SPIRE1: variants seen among roughly 807,000 people sequenced by gnomAD.
SPIRE1 encodes the protein protein spire homolog 1.
A neutral mutation model predicts 94.1 loss-of-function variants in SPIRE1; 40 were observed. That is an observed-to-expected ratio of 0.43 (90% CI 0.33 to 0.55). SPIRE1 has a LOEUF of 0.55. SPIRE1 is among the 20% of genes least tolerant of loss of function. SPIRE1 has a pLI of 0.06. For synonymous variants in SPIRE1, 376 were observed against 371.7 expected, an observed-to-expected ratio of 1.01 and a Z score of -0.13; for missense variants, 838 against 975.2, an observed-to-expected ratio of 0.86 and a Z score of 1.87.
chr18:12,603,574 ATT>A (rs71174104), intron 2 of SPIRE1, among the ~76,000 whole-genome samples: 14,667 of 138,298 alleles, frequency 0.11, 809 homozygotes, highest in African/African-American at 0.12. Context: ...CCAGTAGCCA[ATT>A]TTTTTTTTTT....
At chr18:12,602,841 T>G (rs1308208270) in intron 2 of SPIRE1, among the ~76,000 whole-genome samples, 2 of 152,206 alleles carry the variant, frequency 1.3e-5, no homozygotes, top group African/African-American at 4.8e-5. Flanking sequence ...AATATCGCTG[T>G]AGGATGAATA....
At chr18:12,632,963 T>A (rs1178104763) in intron 2 of SPIRE1, among the ~76,000 whole-genome samples, 1 of 152,242 alleles carries the variant, frequency 6.6e-6, no homozygotes, top group Non-Finnish European at 1.5e-5. Flanking sequence ...TATATTTGTA[T>A]CATCTTAATT....
chr18:12,570,716 C>A (rs2035940998), intron 2 of SPIRE1, among the ~76,000 whole-genome samples: 1 of 152,166 alleles, frequency 6.6e-6, no homozygotes, highest in African/African-American at 2.4e-5. Context: ...ATTCTACTCT[C>A]CCACAGAGCC....
At chr18:12,564,700 G>A (rs866840131) in intron 2 of SPIRE1, among the ~76,000 whole-genome samples, 2 of 152,086 alleles carry the variant, frequency 1.3e-5, no homozygotes, top group Non-Finnish European at 2.9e-5. Flanking sequence ...GGGAACCAGC[G>A]CCAGGGTGGG....
intron 2 of SPIRE1, among the ~76,000 whole-genome samples, chr18:12,604,981 A>G (rs979668902): frequency 1.3e-5 from 2 of 151,898 alleles, no homozygotes; most frequent in African/African-American, 4.9e-5. Flanking sequence ...ATGCTAAACG[A>G]AATAAGCAGT....
Position 12,615,898 on chromosome 18 carries a change from C to T in SPIRE1, c.372+19164G>A, listed in dbSNP as rs189466055. ...AGTTACGGATGATTTAAATACTATT[C>T]CTTCTCATAAGAATCTCCTTAGCAA... On this transcript the variant is annotated intron_variant, in intron 2 of 16. Coordinates refer to ENST00000409402, the MANE Select transcript of SPIRE1 (RefSeq NM_001128626.2). Among the ~76,000 whole-genome samples the T allele has an allele frequency of 1.6e-3, 247 of 152,300 alleles. 1 individual carries two copies. The highest frequency in any genetic ancestry group is 2.8e-3 in the Non-Finnish European group (192 of 68,020).
At chr18:12,484,236 A>G (rs2032951681) in intron 9 of SPIRE1, among the ~76,000 whole-genome samples, 1 of 152,236 alleles carries the variant, frequency 6.6e-6, no homozygotes. Flanking sequence ...TTTTGTAGAT[A>G]TTCAAAAAAG....
At position 12,452,245 on chromosome 18, in the gene SPIRE1, C is replaced by A. The variant is rs528886390; in HGVS notation, c.2012+10G>T. Reference sequence around the variant, plus strand: ...AAAGGATGGTTTGACAACCCAGGCCCCTTGCTCACCTGGCAATGCTCCGAA... The same window carrying A: ...AAAGGATGGTTTGACAACCCAGGCCACTTGCTCACCTGGCAATGCTCCGAA... On this transcript the variant is annotated intron_variant, in intron 16 of 16. Transcript: ENST00000409402. 6.2e-7 allele frequency: 1 copy of A among 1,613,374 alleles called. No individual in the cohort carries two copies. The highest frequency in any genetic ancestry group is 1.3e-5 in the African/African-American group (1 of 74,958).
intron 2 of SPIRE1, among the ~76,000 whole-genome samples, chr18:12,558,968 A>G (rs572370048): frequency 6.6e-6 from 1 of 152,192 alleles, no homozygotes; most frequent in Non-Finnish European, 1.5e-5. Context: ...CTCTAGCTAG[A>G]CATAAAAGTT....
intron 4 of SPIRE1, among the ~76,000 whole-genome samples, chr18:12,517,068 A>G (rs2034218986): frequency 6.6e-6 from 1 of 152,242 alleles, no homozygotes; most frequent in African/African-American, 2.4e-5. Flanking sequence ...AAATTGCTGT[A>G]ATCCTGTTTG....
At position 12,549,436 on chromosome 18, in the gene SPIRE1, G is replaced by GTTTTTTTTTTTTTT. The variant is rs1345452411; in HGVS notation, c.373-2533_373-2532insAAAAAAAAAAAAAA. ...TTGCTTTTTGTTTGTTTTTGTTATT[G>GTTTTTTTTTTTTTT]TTGTTTTTTTTTTTTTTTTTTTTTT... On this transcript the variant is annotated intron_variant, in intron 2 of 16. Coordinates refer to ENST00000409402, the MANE Select transcript of SPIRE1 (RefSeq NM_001128626.2). Among the ~76,000 whole-genome samples, 22 of 51,918 alleles carry GTTTTTTTTTTTTTT rather than the reference G, an allele frequency of 4.2e-4. 1 individual carries two copies. Among genetic ancestry groups the GTTTTTTTTTTTTTT allele is most frequent in the South Asian group, 7.2e-4 (1 of 1,382 alleles). The allele number at this position is 51,918 out of a possible 152,430, so 34.1% of individuals were successfully genotyped here. A position where few individuals can be genotyped will look rare whatever the true frequency, so the allele number is the denominator to read the frequency against.
intron 13 of SPIRE1, 102 bp downstream of exon 13, chr18:12,454,244 A>G: frequency 7.2e-7 from 1 of 1,392,558 alleles, no homozygotes; most frequent in Non-Finnish European, 1.0e-6. Flanking sequence ...AAATCCCCTC[A>G]AAGTCTGTGC....
intron 4 of SPIRE1, among the ~76,000 whole-genome samples, chr18:12,524,556 T>C (rs192891132): frequency 9.6e-4 from 146 of 152,336 alleles, no homozygotes; most frequent in African/African-American, 3.4e-3. Flanking sequence ...GTCAATTTAC[T>C]TCTTCAGTAT....
At chr18:12,506,124 T>C (rs940879268) in intron 6 of SPIRE1, among the ~76,000 whole-genome samples, 13 of 152,168 alleles carry the variant, frequency 8.5e-5, no homozygotes, top group African/African-American at 3.1e-4. Flanking sequence ...CAAATGCAAT[T>C]ATGGATGAAT....
At chr18:12,549,775 G>A (rs966145777) in intron 2 of SPIRE1, among the ~76,000 whole-genome samples, 2 of 151,806 alleles carry the variant, frequency 1.3e-5, no homozygotes, top group South Asian at 2.1e-4. Flanking sequence ...CTAGGGAGGC[G>A]GGAAAAACCC....
At position 12,483,079 on chromosome 18, in the gene SPIRE1, T is replaced by C. The variant is rs538892166; in HGVS notation, c.1231+2880A>G. 7.9e-5 allele frequency among the ~76,000 whole-genome samples: 12 copies of C among 152,144 alleles called. No homozygotes were observed. In the East Asian group the frequency reaches 2.3e-3, roughly 29 times the overall value. On this transcript the variant is annotated intron_variant, in intron 9 of 16. Transcript: ENST00000409402. ...CCTCAGCCTCCCAAGTAGCTGGGAC[T>C]ACAGGTGTGCACCACCACGCCTAGC...
At position 12,546,805 on chromosome 18, in the gene SPIRE1, C is replaced by T; in HGVS notation, c.472G>A (p.Asp158Asn). The T allele has an allele frequency of 1.9e-6, 3 of 1,614,038 alleles. No individual in the cohort carries two copies. Among genetic ancestry groups the T allele is most frequent in the Non-Finnish European group, 2.5e-6 (3 of 1,179,998 alleles). The change falls in exon 3 of 17, where the codon GAT becomes AAT. Residue 158 changes from aspartate (D) to asparagine (N), a missense_variant. By Grantham distance (23) the Asp-to-Asn change is conservative (BLOSUM62 1). Transcript: ENST00000409402. ...ELSPPLEQLI[D>N]HMANTVEADG... The stretch of plus-strand genomic sequence containing the variant: ...GCTTCCACCGTGTTGGCCATGTGAT[C>T]GATAAGCTGCTCTAGGGGAGGGCTT...
chr18:12,597,410 T>C (rs140576836), intron 2 of SPIRE1, among the ~76,000 whole-genome samples: 111 of 152,186 alleles, frequency 7.3e-4, no homozygotes, highest in Middle Eastern at 3.4e-3. Flanking sequence ...CTTTATTCTG[T>C]GTGGGCAAGC....
chr18:12,537,604 C>T (rs1338699058), intron 3 of SPIRE1, among the ~76,000 whole-genome samples: 1 of 152,084 alleles, frequency 6.6e-6, no homozygotes, highest in African/African-American at 2.4e-5. Flanking sequence ...ATGCATATGA[C>T]AATCTTACAC....
Sources: allele counts gnomAD v4.1 joint callset (sites outside exome capture counted in the v4.1 genomes callset), GRCh38; gene constraint gnomAD v4.1.1; transcripts MANE v1.5; gene names NCBI Gene and HGNC (gene_info 2026-07-23, HGNC 2026-07-21).